The following ZNF438 variants were observed in gnomAD, a reference collection of about 807,000 sequenced individuals.
The protein encoded by ZNF438 is zinc finger protein 438.
A neutral mutation model predicts 38.0 loss-of-function variants in ZNF438; 25 were observed. That is an observed-to-expected ratio of 0.66 (90% confidence interval 0.48 to 0.92). ZNF438 has a LOEUF of 0.92. Among genes scored for constraint, ZNF438 ranks in the 40% least tolerant of loss-of-function variants. The pLI is 0.00. For synonymous variants in ZNF438, 372 were observed against 364.1 expected (o/e 1.02, Z -0.25); for missense variants, 1,007 against 999.6 (o/e 1.01, Z -0.10).
At chr10:30,977,739 CTT>C (rs1203330360) in intron 1 of ZNF438, among the ~76,000 whole-genome samples, 2 of 152,096 alleles carry the variant, frequency 1.3e-5, no homozygotes, top group Non-Finnish European at 2.9e-5. Flanking sequence ...AATACCAACA[CTT>C]TGGGAGGCCG....
intron 3 of ZNF438, among the ~76,000 whole-genome samples, chr10:30,880,026 T>A (rs2038997961): frequency 6.6e-6 from 1 of 151,812 alleles, no homozygotes; most frequent in South Asian, 2.1e-4. Flanking sequence ...ATTGCCAAAC[T>A]GCTCAAAACT....
intron 1 of ZNF438, among the ~76,000 whole-genome samples, chr10:30,975,860 T>C (rs1171461326): frequency 1.3e-5 from 2 of 152,088 alleles, no homozygotes; most frequent in African/African-American, 2.4e-5. Flanking sequence ...TTTATGCCCA[T>C]ATAAAAGTTA....
intron 1 of ZNF438, among the ~76,000 whole-genome samples, chr10:31,010,892 GAA>G (rs563189482): frequency 3.0e-3 from 274 of 92,478 alleles, no homozygotes; most frequent in African/African-American, 0.014. Context: ...GACCCTGTTT[GAA>G]AAAAAAAAAA....
intron 2 of ZNF438, among the ~76,000 whole-genome samples, chr10:30,917,422 A>G (rs2043774589): frequency 6.6e-6 from 1 of 152,112 alleles, no homozygotes; most frequent in Non-Finnish European, 1.5e-5. Flanking sequence ...CTTCATAAGA[A>G]ACTGCCAGAT....
chr10:30,885,702 G>T (rs2039868632), intron 3 of ZNF438, among the ~76,000 whole-genome samples: 1 of 152,018 alleles, frequency 6.6e-6, no homozygotes, highest in Non-Finnish European at 1.5e-5. Flanking sequence ...CCTTTCCCAT[G>T]CATACATGTA....
intron 1 of ZNF438, among the ~76,000 whole-genome samples, chr10:30,965,702 A>G (rs1168061615): frequency 1.3e-5 from 2 of 152,160 alleles, no homozygotes; most frequent in African/African-American, 4.8e-5. Context: ...TGGGAGTGAA[A>G]CATTACGTAC....
intron 1 of ZNF438, among the ~76,000 whole-genome samples, chr10:30,954,524 G>A (rs1356501836): frequency 6.6e-6 from 1 of 152,148 alleles, no homozygotes; most frequent in African/African-American, 2.4e-5. Flanking sequence ...TCAGTTCTAA[G>A]AATCTTAAGA....
At chr10:31,012,807 C>G (rs2055833860) in intron 1 of ZNF438, among the ~76,000 whole-genome samples, 1 of 152,118 alleles carries the variant, frequency 6.6e-6, no homozygotes, top group African/African-American at 2.4e-5. Flanking sequence ...AAAGAGGGAC[C>G]CTCTTCCCCA....
chr10:30,992,028 G>A (rs563757098), intron 1 of ZNF438, among the ~76,000 whole-genome samples: 9 of 152,272 alleles, frequency 5.9e-5, no homozygotes, highest in Admixed American at 2.0e-4. Context: ...GGCTTGCTTC[G>A]CTCAGGAGTG....
intron 3 of ZNF438, among the ~76,000 whole-genome samples, chr10:30,902,954 G>T (rs1327069147): frequency 6.6e-6 from 1 of 151,610 alleles, no homozygotes; most frequent in Admixed American, 6.6e-5. Context: ...TTCCCTGCGG[G>T]GAGGCAGCTA....
At chr10:30,847,586 C>A (rs576807670) in intron 5 of ZNF438, among the ~76,000 whole-genome samples, 274 of 149,812 alleles carry the variant, frequency 1.8e-3, no homozygotes, top group Non-Finnish European at 3.3e-3. Context: ...GGCTGAAACA[C>A]GCCTCTTGCT....
exon 5 of ZNF438, chr10:30,849,718 G>T: frequency 6.2e-7 from 1 of 1,614,212 alleles, no homozygotes; most frequent in Non-Finnish European, 8.5e-7. Context: ...GGTCCTGCTT[G>T]GCAGGCTCCT....
intron 1 of ZNF438, among the ~76,000 whole-genome samples, chr10:30,949,366 C>A (rs554969799): frequency 1.3e-5 from 2 of 152,256 alleles, no homozygotes; most frequent in African/African-American, 4.8e-5. Context: ...AACCAGCTAA[C>A]ATCATCATGA....
At chr10:30,963,560 T>C (rs368951196) in intron 1 of ZNF438, among the ~76,000 whole-genome samples, 84 of 152,138 alleles carry the variant, frequency 5.5e-4, no homozygotes, top group African/African-American at 1.8e-3. Flanking sequence ...AAGATATAAC[T>C]CAGCAGTGAG....
chr10:30,999,016 T>C (rs2054366677), intron 1 of ZNF438, among the ~76,000 whole-genome samples: 1 of 152,028 alleles, frequency 6.6e-6, no homozygotes, highest in Admixed American at 6.6e-5. Context: ...GCCACATAGA[T>C]ACATACCAGA....
At chr10:30,914,804 A>G (rs1170392570) in intron 2 of ZNF438, among the ~76,000 whole-genome samples, 1 of 151,972 alleles carries the variant, frequency 6.6e-6, no homozygotes, top group East Asian at 1.9e-4. Flanking sequence ...AAATGTCTTG[A>G]GGTTGTAATG....
At chr10:30,936,760 T>C (rs1358665545) in intron 2 of ZNF438, among the ~76,000 whole-genome samples, 1 of 152,226 alleles carries the variant, frequency 6.6e-6, no homozygotes, top group Admixed American at 6.5e-5. Context: ...GTAGAAACTG[T>C]TGTCACATGT....
intron 1 of ZNF438, among the ~76,000 whole-genome samples, chr10:30,973,548 T>C (rs1342655929): frequency 6.6e-6 from 1 of 152,236 alleles, no homozygotes; most frequent in Non-Finnish European, 1.5e-5. Context: ...TGAATTTTAT[T>C]TGCATTTATT....
intron 1 of ZNF438, among the ~76,000 whole-genome samples, chr10:30,994,226 T>C (rs945295288): frequency 6.6e-6 from 1 of 152,224 alleles, no homozygotes; most frequent in Non-Finnish European, 1.5e-5. Context: ...AATGAATGTA[T>C]TCTTAAACAC....
Sources: gnomAD v4.1 joint callset for allele counts (sites outside exome capture counted in the v4.1 genomes callset) on GRCh38, gnomAD v4.1.1 for gene constraint, MANE v1.5 for transcripts, NCBI Gene and HGNC (gene_info 2026-07-23, HGNC 2026-07-21) for gene names.